The following PARP8 variants were observed in gnomAD, a reference collection of about 807,000 sequenced individuals.
The protein encoded by PARP8 is poly(ADP-ribose) polymerase family member 8.
Under a neutral mutation model 124.1 loss-of-function variants are expected in PARP8, and 51 were observed. That is an observed-to-expected ratio of 0.41 (90% CI 0.33 to 0.52). The LOEUF is 0.52. PARP8 is among the 20% of genes least tolerant of loss of function. PARP8 has a pLI of 0.21. For synonymous variants in PARP8, 391 were observed against 361.5 expected (o/e 1.08, Z -0.93); for missense variants, 860 against 1,018.9 (o/e 0.84, Z 2.12).
chr5:50,718,312 T>C (rs1755525746), intron 2 of PARP8, among the ~76,000 whole-genome samples: 1 of 152,044 alleles, frequency 6.6e-6, no homozygotes, highest in African/African-American at 2.4e-5. Context: ...TAAATTAACC[T>C]TATAACTTCT....
intron 2 of PARP8, among the ~76,000 whole-genome samples, chr5:50,688,131 AG>A (rs1752078283): frequency 6.6e-6 from 1 of 152,170 alleles, no homozygotes; most frequent in African/African-American, 2.4e-5. Context: ...TATAGGTGTG[AG>A]CCACTGTACC....
At chr5:50,753,267 G>A (rs1042707543) in intron 3 of PARP8, among the ~76,000 whole-genome samples, 2 of 151,820 alleles carry the variant, frequency 1.3e-5, no homozygotes, top group Non-Finnish European at 2.9e-5. Flanking sequence ...TGTTGGGAGT[G>A]GACTCTCTTA....
intron 12 of PARP8, among the ~76,000 whole-genome samples, 199 bp from the exon 13 acceptor site, chr5:50,796,783 G>A (rs71615986): frequency 0.047 from 7,209 of 152,230 alleles, 242 homozygotes; most frequent in Middle Eastern, 0.099. Flanking sequence ...GGCAAAAATT[G>A]CATTAGTAAT....
intron 2 of PARP8, among the ~76,000 whole-genome samples, chr5:50,709,955 T>TATATAAAC (rs149858890): frequency 9.7e-6 from 1 of 103,322 alleles, no homozygotes; most frequent in Non-Finnish European, 2.0e-5. Context: ...TATATATATA[T>TATATAAAC]ACACATACAT....
At chr5:50,792,013 A>C (rs552975399) in intron 10 of PARP8, among the ~76,000 whole-genome samples, 16 of 152,312 alleles carry the variant, frequency 1.1e-4, no homozygotes, top group Non-Finnish European at 1.9e-4. Flanking sequence ...CATGTAAAAC[A>C]GTGTGATGTC....
In PARP8 at chr5:50,789,631, G is replaced by C. The variant is rs546579691; in HGVS notation, c.737+1042G>C. Among the ~76,000 whole-genome samples the C allele has an allele frequency of 3.9e-5, 6 of 152,266 alleles. No homozygotes were observed. The South Asian group carries it at 1.2e-3, about 32-fold the overall frequency. On this transcript the variant is annotated intron_variant, in intron 10 of 25. Transcript: ENST00000281631. ...GAACTGAATTTTAAAATTTAGGCAC[G>C]TACCTCAGTTCGCCATGGTCAGAAT...
chr5:50,774,875 T>G (rs1739780320), intron 7 of PARP8, among the ~76,000 whole-genome samples: 1 of 115,286 alleles, frequency 8.7e-6, no homozygotes, highest in Admixed American at 1.0e-4. Flanking sequence ...GCTCCTCACA[T>G]CCCAGACGAT....
At chr5:50,668,523 T>A (rs1160318988) in intron 2 of PARP8, 1 of 162,130 alleles carries the variant, frequency 6.2e-6, no homozygotes, top group Non-Finnish European at 1.4e-5. Flanking sequence ...CCTGGTGAGT[T>A]GGGGCTGCGT....
chr5:50,810,485 G>T (rs1487679697), intron 14 of PARP8, among the ~76,000 whole-genome samples: 1 of 151,976 alleles, frequency 6.6e-6, no homozygotes, highest in African/African-American at 2.4e-5. Context: ...CATAGAATTT[G>T]TCAGGGTGGA....
intron 7 of PARP8, among the ~76,000 whole-genome samples, chr5:50,772,722 A>G (rs1212668125): frequency 6.6e-6 from 1 of 151,514 alleles, no homozygotes; most frequent in Non-Finnish European, 1.5e-5. Flanking sequence ...TTGAGACAAG[A>G]GTCTTACTCT....
intron 7 of PARP8, among the ~76,000 whole-genome samples, chr5:50,767,778 A>G (rs1325026103): frequency 6.6e-6 from 1 of 152,188 alleles, no homozygotes; most frequent in East Asian, 1.9e-4. Context: ...ATTCACAAAC[A>G]TCTCTCCCAC....
intron 2 of PARP8, among the ~76,000 whole-genome samples, chr5:50,728,644 C>G (rs1183263791): frequency 6.6e-6 from 1 of 151,900 alleles, no homozygotes; most frequent in Non-Finnish European, 1.5e-5. Context: ...GTTGTCTTTC[C>G]TTTCCTTTTT....
At chr5:50,723,331 A>T (rs1455960496) in intron 2 of PARP8, among the ~76,000 whole-genome samples, 1 of 152,136 alleles carries the variant, frequency 6.6e-6, no homozygotes, top group Non-Finnish European at 1.5e-5. Flanking sequence ...AATTCATTGT[A>T]TTCTCTACTA....
Position 50,666,857 on chromosome 5 carries a change from G to A in PARP8, c.-239G>A. On this transcript the variant is annotated 5_prime_UTR_variant, in exon 1 of 26. Coordinates refer to ENST00000281631, the MANE Select transcript of PARP8 (RefSeq NM_024615.4). ...GAGGAAATTGGAATCCAGCAGCGGC[G>A]AGCAGCAGCTGGGCGGTCACATCTG... 2 of 1,370,464 alleles carry A rather than the reference G, an allele frequency of 1.5e-6. No homozygotes were observed. The highest frequency in any genetic ancestry group is 1.9e-6 in the Non-Finnish European group (2 of 1,061,028). 84.9% of individuals were successfully genotyped at this position (1,370,464 alleles called of 1,614,324 possible). A position where few individuals can be genotyped will look rare whatever the true frequency, so the allele number is the denominator to read the frequency against.
intron 2 of PARP8, among the ~76,000 whole-genome samples, chr5:50,692,517 GCA>G (rs1055828174): frequency 6.6e-6 from 1 of 151,704 alleles, no homozygotes; most frequent in Non-Finnish European, 1.5e-5. Flanking sequence ...TTGTTTCTTA[GCA>G]CAGTGTTTTT....
At chr5:50,716,109 A>G (rs1160176045) in intron 2 of PARP8, among the ~76,000 whole-genome samples, 5 of 152,126 alleles carry the variant, frequency 3.3e-5, no homozygotes, top group African/African-American at 1.2e-4. Context: ...TTATATCCCC[A>G]TGTTTCCACA....
chr5:50,683,725 G>GT (rs1365129361), intron 2 of PARP8, among the ~76,000 whole-genome samples: 2 of 151,974 alleles, frequency 1.3e-5, no homozygotes, highest in African/African-American at 4.8e-5. Flanking sequence ...AATCAGTGCA[G>GT]TTTTTTAACC....
At chr5:50,753,294 G>A (rs1292548335) in intron 3 of PARP8, among the ~76,000 whole-genome samples, 1 of 151,998 alleles carries the variant, frequency 6.6e-6, no homozygotes, top group African/African-American at 2.4e-5. Context: ...GTAGAGGAAT[G>A]AAGGGATACT....
At chr5:50,688,995 A>G (rs1361925431) in intron 2 of PARP8, among the ~76,000 whole-genome samples, 1 of 151,044 alleles carries the variant, frequency 6.6e-6, no homozygotes, top group Non-Finnish European at 1.5e-5. Context: ...CTGGCATTTG[A>G]CAAGATGTTT....
Sources: allele counts gnomAD v4.1 joint callset (sites outside exome capture counted in the v4.1 genomes callset), GRCh38; gene constraint gnomAD v4.1.1; transcripts MANE v1.5; gene names NCBI Gene and HGNC (gene_info 2026-07-23, HGNC 2026-07-21).